The following EPB41L4A variants were observed in gnomAD, a reference collection of about 807,000 sequenced individuals.
The protein encoded by EPB41L4A is band 4.1-like protein 4A.
In EPB41L4A, 100 loss-of-function variants were observed where a neutral mutation model predicts 108.6. That is an observed-to-expected ratio of 0.92 (90% CI 0.78 to 1.09). The LOEUF (loss-of-function observed/expected upper bound fraction) is 1.09. Ranked by LOEUF, EPB41L4A falls within the 50% of genes least tolerant of loss-of-function variation. The pLI, the probability that EPB41L4A is intolerant of heterozygous loss-of-function variation, is 0.00. For synonymous variants in EPB41L4A, 319 were observed against 289.0 expected (o/e 1.10, Z -1.05); for missense variants, 1,030 against 842.7 (o/e 1.22, Z -2.75).
chr5:112,403,869 G>T (rs145520112), intron 1 of EPB41L4A, among the ~76,000 whole-genome samples: 1 of 152,086 alleles, frequency 6.6e-6, no homozygotes, highest in African/African-American at 2.4e-5. Flanking sequence ...GTTCATTTTT[G>T]ACTATTCTAC....
In EPB41L4A at chr5:112,316,775, C is replaced by T. The variant is rs149347877; in HGVS notation, c.100-9285G>A. ...TTTAGCCAGGGCTCAGAAGAGACAG[C>T]TGGTATCAGCTCCATCTGGTGTTGG... On this transcript the variant is annotated intron_variant, in intron 1 of 22. Coordinates refer to ENST00000261486, the MANE Select transcript of EPB41L4A (RefSeq NM_022140.5). Among the ~76,000 whole-genome samples the T allele has an allele frequency of 2.8e-3, 419 of 152,302 alleles. 2 individuals carry two copies. The highest frequency in any genetic ancestry group is 9.7e-3 in the African/African-American group (403 of 41,568).
chr5:112,252,798 C>T (rs1288082867), intron 9 of EPB41L4A, among the ~76,000 whole-genome samples: 2 of 151,746 alleles, frequency 1.3e-5, no homozygotes, highest in African/African-American at 4.8e-5. Context: ...ACACAATATA[C>T]CCATGTAACA....
intron 1 of EPB41L4A, among the ~76,000 whole-genome samples, chr5:112,357,562 C>G (rs1459825160): frequency 1.3e-5 from 2 of 152,204 alleles, no homozygotes; most frequent in Non-Finnish European, 2.9e-5. Flanking sequence ...TGTATAATGT[C>G]TGGTACCAAG....
chr5:112,267,016 A>G (rs13358904), intron 4 of EPB41L4A, among the ~76,000 whole-genome samples: 36,227 of 152,152 alleles, frequency 0.24, 4,483 homozygotes, highest in East Asian at 0.27. Flanking sequence ...ACCTCACAAC[A>G]AATTAAGCAG....
chr5:112,249,957 C>G (rs922689804), intron 9 of EPB41L4A, among the ~76,000 whole-genome samples: 1 of 152,148 alleles, frequency 6.6e-6, no homozygotes, highest in Non-Finnish European at 1.5e-5. Context: ...GTATGGTAAG[C>G]ACATACTCTA....
Position 112,169,110 on chromosome 5 carries a change from A to T in EPB41L4A, c.1740-5T>A. The T allele has an allele frequency of 6.2e-7, 1 of 1,603,186 alleles. No homozygotes were observed. The highest frequency in any genetic ancestry group is 8.5e-7 in the Non-Finnish European group (1 of 1,170,016). Reference sequence around the variant, plus strand: ...CGGATTGGGTCACCTTGTGTCCTGAACAAGCAACCAAGAAACATGAAAACA... The same window carrying T: ...CGGATTGGGTCACCTTGTGTCCTGATCAAGCAACCAAGAAACATGAAAACA... On this transcript the variant is annotated splice_region_variant and splice_polypyrimidine_tract_variant and intron_variant, in intron 20 of 22. Coordinates refer to ENST00000261486, the MANE Select transcript of EPB41L4A (RefSeq NM_022140.5).
At chr5:112,294,655 G>A (rs56108405) in intron 2 of EPB41L4A, among the ~76,000 whole-genome samples, 22,484 of 151,928 alleles carry the variant, frequency 0.15, 1,861 homozygotes, top group African/African-American at 0.21. Flanking sequence ...AGAACAAGAA[G>A]GGTGTTCAGG....
chr5:112,249,575 T>C (rs537190629), intron 9 of EPB41L4A: 144 of 152,302 alleles, frequency 9.5e-4, no homozygotes, highest in African/African-American at 3.2e-3. Flanking sequence ...TTTCCTCATA[T>C]TTTTTCATGC....
chr5:112,337,952 G>A (rs910206169), intron 1 of EPB41L4A, among the ~76,000 whole-genome samples: 1 of 152,026 alleles, frequency 6.6e-6, no homozygotes, highest in Non-Finnish European at 1.5e-5. Flanking sequence ...CTGGGCACAT[G>A]GAAAGACAAA....
intron 12 of EPB41L4A, among the ~76,000 whole-genome samples, chr5:112,146,272 C>A (rs770586062): frequency 6.6e-6 from 1 of 152,200 alleles, no homozygotes; most frequent in East Asian, 1.9e-4. Context: ...ATTTCAAGTT[C>A]AGAAATATAA....
At chr5:112,154,629 GAAC>G (rs1229882955) in intron 12 of EPB41L4A, among the ~76,000 whole-genome samples, 2 of 152,182 alleles carry the variant, frequency 1.3e-5, no homozygotes, top group Admixed American at 6.5e-5. Context: ...GCAAAAATTG[GAAC>G]AACATGGAAT....
chr5:112,373,613 G>A (rs116647906), intron 1 of EPB41L4A, among the ~76,000 whole-genome samples: 5,136 of 152,182 alleles, frequency 0.034, 153 homozygotes, highest in African/African-American at 0.078. Flanking sequence ...CCCATTTTAC[G>A]AAGAGGAAAC....
chr5:112,205,719 A>T (rs1435966215), intron 13 of EPB41L4A, among the ~76,000 whole-genome samples: 1 of 152,082 alleles, frequency 6.6e-6, no homozygotes, highest in Non-Finnish European at 1.5e-5. Context: ...CTTTCTTTCT[A>T]GTTTTACTGC....
At chr5:112,263,226 G>T (rs142634834) in intron 6 of EPB41L4A, among the ~76,000 whole-genome samples, 62 of 152,286 alleles carry the variant, frequency 4.1e-4, no homozygotes, top group African/African-American at 1.1e-3. Flanking sequence ...AGTTAAATAT[G>T]CATGTGCAAG....
At chr5:112,315,477 T>A (rs1158049483) in intron 1 of EPB41L4A, among the ~76,000 whole-genome samples, 1 of 152,220 alleles carries the variant, frequency 6.6e-6, no homozygotes, top group Non-Finnish European at 1.5e-5. Flanking sequence ...TCTTCCTGTT[T>A]CTTATGAAGA....
At chr5:112,161,662 A>T (rs140424886), downstream of EPB41L4A, 857 of 515,520 alleles carry the variant, frequency 1.7e-3, 8 homozygotes, top group African/African-American at 0.014. Flanking sequence ...TGCTAGCCTT[A>T]AGTGTATGGT....
intron 1 of EPB41L4A, among the ~76,000 whole-genome samples, chr5:112,349,081 C>T (rs758584039): frequency 6.6e-6 from 1 of 152,074 alleles, no homozygotes; most frequent in Non-Finnish European, 1.5e-5. Flanking sequence ...CAAATGACAC[C>T]GCAGAGGACA....
intron 1 of EPB41L4A, among the ~76,000 whole-genome samples, chr5:112,340,514 A>G (rs1228486711): frequency 2.0e-5 from 3 of 152,178 alleles, no homozygotes; most frequent in Admixed American, 1.3e-4. Flanking sequence ...CAGTTTGAGA[A>G]GGGTGGGAAG....
At chr5:112,365,068 G>A (rs1759039185) in intron 1 of EPB41L4A, among the ~76,000 whole-genome samples, 1 of 152,168 alleles carries the variant, frequency 6.6e-6, no homozygotes, top group South Asian at 2.1e-4. Context: ...CCAAAGCTTA[G>A]TTCAGCTTCT....
Sources: gnomAD v4.1 joint callset for allele counts (sites outside exome capture counted in the v4.1 genomes callset) on GRCh38, gnomAD v4.1.1 for gene constraint, MANE v1.5 for transcripts, NCBI Gene and HGNC (gene_info 2026-07-23, HGNC 2026-07-21) for gene names.